Variants in FAM135A observed in about 807,000 individuals in gnomAD.
FAM135A encodes the protein protein FAM135A.
FAM135A carries 79 observed loss-of-function variants against 146.8 expected under a neutral mutation model. The ratio of observed to expected loss-of-function variants is 0.54; its 90% CI spans 0.45 to 0.65. The LOEUF (loss-of-function observed/expected upper bound fraction) is 0.65, where lower values mean the gene tolerates loss of function less well. Ranked by LOEUF, FAM135A falls within the 30% of genes least tolerant of loss-of-function variation. The probability of loss-of-function intolerance (pLI) is 0.00; values close to 1 mark genes in which losing one functional copy is unlikely to be tolerated. For missense variants in FAM135A, 1,623 were observed against 1,758.2 expected (o/e 0.92, Z 1.38); for synonymous variants, 562 against 603.6 (o/e 0.93, Z 1.01).
intron 9 of FAM135A, 68 bp downstream of exon 9, chr6:70,481,095 GTGAA>G (rs1783621891): frequency 7.5e-7 from 1 of 1,330,144 alleles, no homozygotes; most frequent in African/African-American, 1.5e-5. Context: ...AATTTTATCT[GTGAA>G]TGTTATATTT....
At chr6:70,545,814 A>C (rs1294451950) in intron 20 of FAM135A, among the ~76,000 whole-genome samples, 1 of 152,242 alleles carries the variant, frequency 6.6e-6, no homozygotes. Flanking sequence ...ACACTGAAGC[A>C]CAGAGAGATT....
intron 5 of FAM135A, among the ~76,000 whole-genome samples, chr6:70,467,042 T>A (rs944733394): frequency 6.6e-6 from 1 of 152,202 alleles, no homozygotes; most frequent in African/African-American, 2.4e-5. Flanking sequence ...TTTTTCTCTT[T>A]CTTGGTTTAT....
At chr6:70,528,248 G>T (rs773854704) in intron 15 of FAM135A, 44 bp from the exon 16 acceptor site, 16 of 1,546,252 alleles carry the variant, frequency 1.0e-5, no homozygotes, top group South Asian at 1.3e-5. Flanking sequence ...TCTAACAACT[G>T]AATATGATCC....
intron 3 of FAM135A, 62 bp from the exon 4 acceptor site, chr6:70,428,242 C>A: frequency 1.4e-6 from 1 of 714,856 alleles, no homozygotes; most frequent in Non-Finnish European, 2.3e-6. Context: ...TAAATAATAG[C>A]ATTTTTATAA....
chr6:70,493,093 A>G (rs1786402690), intron 11 of FAM135A, among the ~76,000 whole-genome samples: 2 of 152,082 alleles, frequency 1.3e-5, no homozygotes, highest in South Asian at 4.1e-4. Context: ...GTGGATCTCT[A>G]TGAAATTGTC....
At chr6:70,522,644 GTC>G in intron 13 of FAM135A, 58 bp downstream of exon 13, 1 of 1,366,290 alleles carries the variant, frequency 7.3e-7, no homozygotes, top group East Asian at 2.3e-5. Flanking sequence ...TAAGATACCT[GTC>G]TCAGAATTTA....
rs1561968610 is a variant in FAM135A, at chr6:70,524,367, T to C, written c.1283T>C (p.Ile428Thr). 1 of 1,494,954 alleles carries C rather than the reference T, an allele frequency of 6.7e-7. No homozygotes were observed. The highest frequency in any genetic ancestry group is 8.9e-7 in the Non-Finnish European group (1 of 1,127,720). The allele number at this position is 1,494,954 out of a possible 1,614,324, so 92.6% of individuals were successfully genotyped here. Residue 428 changes from isoleucine (I) to threonine (T), a missense_variant, in exon 15 of 22, where the codon ATT becomes ACT. Around this residue, in one of 7 missense-constraint regions of FAM135A, gnomAD observed 1,061 missense variants for 1,113.8 expected, o/e 0.95. Transcript: ENST00000418814. ...TEDLDAPWMGIQNLQRSESSK... is the reference protein window; with the variant it reads ...TEDLDAPWMGTQNLQRSESSK... ...GACTTAGATGCACCCTGGATGGGAATTCAGAATCTTCAGAGATCAGAGTCC... is the reference window on the plus strand; with the variant it reads ...GACTTAGATGCACCCTGGATGGGAACTCAGAATCTTCAGAGATCAGAGTCC...
chr6:70,434,008 C>T (rs1005494280), intron 4 of FAM135A, among the ~76,000 whole-genome samples: 5 of 151,904 alleles, frequency 3.3e-5, no homozygotes, highest in Non-Finnish European at 5.9e-5. Flanking sequence ...ACTCTGAAAA[C>T]GAAGTCAAAA....
intron 11 of FAM135A, among the ~76,000 whole-genome samples, chr6:70,491,840 A>G (rs1329837232): frequency 6.6e-6 from 1 of 151,906 alleles, no homozygotes; most frequent in Non-Finnish European, 1.5e-5. Context: ...ACATTTAAAA[A>G]TAATCTTAAG....
Position 70,526,339 on chromosome 6 carries a change from TGAG to T in FAM135A, c.3261_3263del (p.Glu1089del). The T allele has an allele frequency of 2.5e-6, 4 of 1,613,306 alleles. No homozygotes were observed. Among genetic ancestry groups the T allele is most frequent in the Non-Finnish European group, 3.4e-6 (4 of 1,179,634 alleles). ...TTCAGCAGGAACAGGATAAAGAGGATGAGGAGGAAGAGCAGGATCAACAAATGG... is the reference window on the plus strand; with the variant it reads ...TTCAGCAGGAACAGGATAAAGAGGATGAGGAAGAGCAGGATCAACAAATGG... On this transcript the variant is annotated inframe_deletion, in exon 15 of 22. Transcript: ENST00000418814.
rs143184209 is a variant in FAM135A, at chr6:70,477,330, A to G, written c.540A>G (p.Ile180Met). 2.6e-4 allele frequency: 412 copies of G among 1,611,926 alleles called. No individual in the cohort carries two copies. The highest frequency in any genetic ancestry group is 3.3e-4 in the Non-Finnish European group (386 of 1,179,122). Reference protein sequence around the residue: ...ASLVALHQPLISFPRPVKTTW... With the variant: ...ASLVALHQPLMSFPRPVKTTW... The stretch of plus-strand genomic sequence containing the variant: ...TGGTTGCACTACACCAGCCACTAAT[A>G]AGGTAAATTTGACTAATATTTTTGT... Residue 180 changes from isoleucine (I) to methionine (M), a missense_variant and splice_region_variant, in exon 8 of 22, where the codon ATA (isoleucine) becomes ATG (methionine). Around this residue, in one of 7 missense-constraint regions of FAM135A, gnomAD observed 206 missense variants for 194.7 expected, o/e 1.06. Coordinates refer to ENST00000418814, the MANE Select transcript of FAM135A (RefSeq NM_001162529.3).
chr6:70,464,296 A>G (rs968105691), intron 5 of FAM135A, among the ~76,000 whole-genome samples: 2 of 152,222 alleles, frequency 1.3e-5, no homozygotes, highest in Non-Finnish European at 2.9e-5. Context: ...CAGATAACTG[A>G]TAGGCAAAAT....
chr6:70,473,050 ATATCAG>A (rs1177444939), intron 5 of FAM135A, among the ~76,000 whole-genome samples: 1 of 152,080 alleles, frequency 6.6e-6, no homozygotes, highest in Non-Finnish European at 1.5e-5. Flanking sequence ...TTATTTATTT[ATATCAG>A]TATGGACTTA....
At chr6:70,461,819 C>A (rs1183560851) in intron 5 of FAM135A, among the ~76,000 whole-genome samples, 3 of 152,190 alleles carry the variant, frequency 2.0e-5, no homozygotes, top group Non-Finnish European at 2.9e-5. Context: ...CACTCACTAG[C>A]TATTTGGTCT....
Position 70,475,492 on chromosome 6 carries a change from G to C in FAM135A, c.240G>C (p.Glu80Asp). ...KTFQILYKNEEVVLNDVMIFK... is the reference protein window; with the variant it reads ...KTFQILYKNEDVVLNDVMIFK... ...TTCAAATTTTGTACAAAAATGAAGA[G>C]GTTGTTTTAAATGATGTTATGATCT... The change falls in exon 6 of 22, where the codon GAG (glutamate) becomes GAC (aspartate). Residue 80 changes from glutamate (E) to aspartate (D), a missense_variant. Transcript: ENST00000418814. 1 of 1,606,156 alleles carries C rather than the reference G, an allele frequency of 6.2e-7. No homozygotes were observed. The highest frequency in any genetic ancestry group is 1.1e-5 in the South Asian group (1 of 88,492).
chr6:70,543,066 T>G (rs1158176944), intron 20 of FAM135A, among the ~76,000 whole-genome samples: 1 of 152,244 alleles, frequency 6.6e-6, no homozygotes, highest in Non-Finnish European at 1.5e-5. Flanking sequence ...ATATTCAGTA[T>G]GTACCATAGC....
At chr6:70,455,604 A>T (rs1416974750) in intron 5 of FAM135A, among the ~76,000 whole-genome samples, 1 of 152,164 alleles carries the variant, frequency 6.6e-6, no homozygotes, top group African/African-American at 2.4e-5. Flanking sequence ...ATGACATGAC[A>T]GATTTGGTGT....
chr6:70,440,383 G>T (rs951822307), intron 4 of FAM135A, among the ~76,000 whole-genome samples: 2 of 152,036 alleles, frequency 1.3e-5, no homozygotes, highest in African/African-American at 4.8e-5. Flanking sequence ...TTCACTAGAG[G>T]TTATAAAATG....
chr6:70,531,714 A>G (rs1795825494), intron 16 of FAM135A, among the ~76,000 whole-genome samples: 1 of 152,158 alleles, frequency 6.6e-6, no homozygotes, highest in South Asian at 2.1e-4. Context: ...TCTTTAAACA[A>G]GTTACCCATT....
Sources: allele counts gnomAD v4.1 joint callset (sites outside exome capture counted in the v4.1 genomes callset), GRCh38; gene constraint gnomAD v4.1.1; regional missense constraint gnomAD v4.1.1; transcripts MANE v1.5; gene names NCBI Gene and HGNC (gene_info 2026-07-23, HGNC 2026-07-21).